The following NTM variants were observed in gnomAD, a reference collection of about 807,000 sequenced individuals.
NTM encodes IgLON family member 2.
In NTM, 13 loss-of-function variants were observed where a neutral mutation model predicts 42.1. The ratio of observed to expected loss-of-function variants is 0.31; its 90% CI spans 0.20 to 0.49. The LOEUF is 0.49. NTM is among the 20% of genes least tolerant of loss of function. NTM has a pLI of 0.99. For missense variants in NTM, 373 were observed against 452.8 expected (o/e 0.82, Z 1.60); for synonymous variants, 187 against 179.2 (o/e 1.04, Z -0.35).
intron 1 of NTM, among the ~76,000 whole-genome samples, chr11:131,623,206 C>G (rs1006257544): frequency 1.3e-5 from 2 of 152,180 alleles, no homozygotes; most frequent in African/African-American, 4.8e-5. Context: ...ACTTTTGATT[C>G]TCTTGTGTGA....
At chr11:132,197,382 C>A (rs1173839659) in intron 3 of NTM, among the ~76,000 whole-genome samples, 2 of 151,692 alleles carry the variant, frequency 1.3e-5, no homozygotes, top group Non-Finnish European at 2.9e-5. Context: ...GTGTGTAATT[C>A]TATTTTTGAT....
chr11:131,587,915 T>C (rs370950656), intron 1 of NTM, among the ~76,000 whole-genome samples: 3 of 152,316 alleles, frequency 2.0e-5, no homozygotes, highest in East Asian at 1.9e-4. Flanking sequence ...ATCTTTAGGA[T>C]GAGGCTGATG....
At chr11:132,231,932 G>C (rs1335635892) in intron 4 of NTM, among the ~76,000 whole-genome samples, 1 of 152,156 alleles carries the variant, frequency 6.6e-6, no homozygotes, top group Non-Finnish European at 1.5e-5. Context: ...CTAGCTAATG[G>C]ATAGGGCAGT....
At chr11:131,549,811 T>C (rs1258293656) in intron 1 of NTM, among the ~76,000 whole-genome samples, 4 of 152,204 alleles carry the variant, frequency 2.6e-5, no homozygotes, top group African/African-American at 9.6e-5. Context: ...AATATTCACA[T>C]GAGGAAATTA....
At chr11:131,627,244 G>A (rs1374020451) in intron 1 of NTM, among the ~76,000 whole-genome samples, 2 of 149,248 alleles carry the variant, frequency 1.3e-5, no homozygotes, top group African/African-American at 4.9e-5. Flanking sequence ...TTGTGGGTTT[G>A]GGGGTATGGG....
At chr11:132,320,718 G>A (rs2095544081) in intron 7 of NTM, among the ~76,000 whole-genome samples, 2 of 151,996 alleles carry the variant, frequency 1.3e-5, no homozygotes, top group South Asian at 4.2e-4. Context: ...CCACCTCTGG[G>A]GGCAGGGCAC....
intron 1 of NTM, among the ~76,000 whole-genome samples, chr11:131,719,696 C>T (rs2078112069): frequency 6.6e-6 from 1 of 152,140 alleles, no homozygotes; most frequent in African/African-American, 2.4e-5. Flanking sequence ...TTTATGAAGG[C>T]CAAGGGGACC....
At chr11:131,706,454 G>A (rs1389044436) in intron 1 of NTM, among the ~76,000 whole-genome samples, 1 of 151,820 alleles carries the variant, frequency 6.6e-6, no homozygotes, top group Non-Finnish European at 1.5e-5. Flanking sequence ...AGGAAACAAT[G>A]GATTTGAGCA....
intron 3 of NTM, among the ~76,000 whole-genome samples, chr11:132,171,204 A>T (rs1426826308): frequency 2.0e-5 from 3 of 152,206 alleles, no homozygotes; most frequent in African/African-American, 7.2e-5. Context: ...CACCGAGGTC[A>T]AACAAGCATG....
chr11:132,237,503 G>A (rs1445810058), intron 4 of NTM, among the ~76,000 whole-genome samples: 3 of 152,122 alleles, frequency 2.0e-5, no homozygotes, highest in Non-Finnish European at 2.9e-5. Flanking sequence ...TCCAAATGGC[G>A]GAAAGTGAAA....
intron 1 of NTM, among the ~76,000 whole-genome samples, chr11:131,864,445 A>C (rs1265036438): frequency 6.6e-6 from 1 of 152,196 alleles, no homozygotes; most frequent in Non-Finnish European, 1.5e-5. Flanking sequence ...AAGGCTAATT[A>C]TCATTTTAAA....
chr11:131,792,358 C>A (rs2091049393), intron 1 of NTM, among the ~76,000 whole-genome samples: 1 of 151,838 alleles, frequency 6.6e-6, no homozygotes. Flanking sequence ...TGTTCCTTTG[C>A]CTGCAGTGCC....
chr11:131,998,261 AAAAGCTGCGTGG>A (rs2068463692), intron 2 of NTM, among the ~76,000 whole-genome samples: 1 of 152,178 alleles, frequency 6.6e-6, no homozygotes, highest in African/African-American at 2.4e-5. Context: ...GGGGACTCGT[AAAAGCTGCGTGG>A]AGTGAGCCCA....
chr11:131,795,848 G>A, intron 1 of NTM: 3 of 985,214 alleles, frequency 3.0e-6, no homozygotes, highest in Non-Finnish European at 3.6e-6. Flanking sequence ...TGGCAAGAAT[G>A]CACAGGGTGC....
intron 2 of NTM, among the ~76,000 whole-genome samples, chr11:132,094,439 C>T (rs1289938875): frequency 6.6e-6 from 1 of 152,160 alleles, no homozygotes; most frequent in Admixed American, 6.5e-5. Context: ...GGGTGCAGCA[C>T]TTCCTGTCTG....
chr11:131,421,881 A>G (rs1172090831), intron 1 of NTM, among the ~76,000 whole-genome samples: 1 of 152,174 alleles, frequency 6.6e-6, no homozygotes, highest in Non-Finnish European at 1.5e-5. Flanking sequence ...TGCCTTGCTA[A>G]TAAGGGTTGT....
At chr11:132,174,831 G>A (rs967347535) in intron 3 of NTM, among the ~76,000 whole-genome samples, 4 of 152,052 alleles carry the variant, frequency 2.6e-5, no homozygotes, top group Admixed American at 1.3e-4. Flanking sequence ...AATGCTTCAC[G>A]TCTGTTTGTG....
chr11:131,377,525 G>A (rs1042932829), intron 1 of NTM, among the ~76,000 whole-genome samples: 17 of 152,226 alleles, frequency 1.1e-4, no homozygotes, highest in African/African-American at 4.1e-4. Context: ...TCAGAATTCA[G>A]GGTAGAGCTA....
intron 1 of NTM, among the ~76,000 whole-genome samples, chr11:131,731,225 A>C (rs1163237388): frequency 6.6e-6 from 1 of 152,102 alleles, no homozygotes; most frequent in Non-Finnish European, 1.5e-5. Flanking sequence ...TGCTCTACTT[A>C]GAGGACTCAA....
Sources: gnomAD v4.1 joint callset for allele counts (sites outside exome capture counted in the v4.1 genomes callset) on GRCh38, gnomAD v4.1.1 for gene constraint, MANE v1.5 for transcripts, NCBI Gene and HGNC (gene_info 2026-07-23, HGNC 2026-07-21) for gene names.